Variants in SPAG16 observed in about 807,000 individuals in gnomAD.
SPAG16 encodes sperm-associated antigen 16 protein.
Under a neutral mutation model 80.4 loss-of-function variants are expected in SPAG16, and 86 were observed. The observed-to-expected ratio is 1.07, with a 90% CI of 0.90 to 1.28. The LOEUF (loss-of-function observed/expected upper bound fraction) is 1.28. Among genes scored for constraint, SPAG16 ranks in the 50% most tolerant of loss-of-function variants. SPAG16 has a pLI of 0.00. For synonymous variants in SPAG16, 294 were observed against 265.9 expected (o/e 1.11, Z -1.03); for missense variants, 870 against 765.3 (o/e 1.14, Z -1.61).
chr2:213,945,733 T>G (rs868637359), intron 12 of SPAG16, among the ~76,000 whole-genome samples: 8 of 152,096 alleles, frequency 5.3e-5, no homozygotes, highest in Non-Finnish European at 2.9e-5. Flanking sequence ...CCATCACAGA[T>G]AGTCATTTGC....
intron 15 of SPAG16, among the ~76,000 whole-genome samples, chr2:214,265,166 T>A (rs570278142): frequency 6.6e-6 from 1 of 152,272 alleles, no homozygotes; most frequent in African/African-American, 2.4e-5. Context: ...TTAAGTTTTG[T>A]TAGAAATTGC....
At chr2:213,431,453 A>G (rs1474498852) in intron 9 of SPAG16, among the ~76,000 whole-genome samples, 1 of 152,024 alleles carries the variant, frequency 6.6e-6, no homozygotes, top group African/African-American at 2.4e-5. Context: ...AAGCAGGAGT[A>G]GCTATACTTA....
chr2:213,914,639 C>G (rs1278396909), intron 11 of SPAG16, among the ~76,000 whole-genome samples: 2 of 152,098 alleles, frequency 1.3e-5, no homozygotes, highest in Non-Finnish European at 2.9e-5. Flanking sequence ...CCATTCAGTT[C>G]TATTTTAAAA....
chr2:213,956,955 C>T (rs1209378573), intron 12 of SPAG16, among the ~76,000 whole-genome samples: 1 of 152,014 alleles, frequency 6.6e-6, no homozygotes, highest in East Asian at 1.9e-4. Context: ...CAGTTTTTCT[C>T]TGTTATTAAT....
chr2:213,949,196 G>T (rs1285007456), intron 12 of SPAG16, among the ~76,000 whole-genome samples: 8 of 6,004 alleles, frequency 1.3e-3, no homozygotes, highest in Non-Finnish European at 4.7e-3. Context: ...TTTTTTTTGA[G>T]GTAGAGTCTC....
At chr2:213,477,912 T>C (rs146752729) in intron 9 of SPAG16, among the ~76,000 whole-genome samples, 227 of 152,266 alleles carry the variant, frequency 1.5e-3, no homozygotes, top group African/African-American at 5.3e-3. Flanking sequence ...CATCTTGAAT[T>C]GTAATCCCCA....
intron 15 of SPAG16, among the ~76,000 whole-genome samples, chr2:214,366,324 C>T (rs558125896): frequency 1.3e-5 from 2 of 152,250 alleles, no homozygotes; most frequent in African/African-American, 4.8e-5. Flanking sequence ...CTGTGCATGA[C>T]TGATACTGTG....
At chr2:213,804,357 G>C (rs2125647094) in intron 10 of SPAG16, among the ~76,000 whole-genome samples, 1 of 152,270 alleles carries the variant, frequency 6.6e-6, no homozygotes, top group South Asian at 2.1e-4. Flanking sequence ...CTAAGGATGG[G>C]CAAGGGGTAA....
At chr2:213,451,230 AAAC>A (rs1338249009) in intron 9 of SPAG16, among the ~76,000 whole-genome samples, 2 of 152,252 alleles carry the variant, frequency 1.3e-5, no homozygotes, top group African/African-American at 2.4e-5. Context: ...CAAAAACAAA[AAAC>A]AACATTTTTT....
At chr2:213,786,653 G>A (rs1242940218) in intron 10 of SPAG16, among the ~76,000 whole-genome samples, 1 of 152,084 alleles carries the variant, frequency 6.6e-6, no homozygotes, top group African/African-American at 2.4e-5. Flanking sequence ...TGCAAACTGT[G>A]TATTCATAAA....
chr2:213,818,796 G>T (rs1234875346), intron 10 of SPAG16, among the ~76,000 whole-genome samples: 1 of 152,120 alleles, frequency 6.6e-6, no homozygotes, highest in Non-Finnish European at 1.5e-5. Flanking sequence ...GTTCTCATGA[G>T]ATCTGATGGT....
At chr2:213,656,744 G>T (rs766890958) in intron 10 of SPAG16, among the ~76,000 whole-genome samples, 14 of 152,150 alleles carry the variant, frequency 9.2e-5, no homozygotes, top group Non-Finnish European at 2.1e-4. Context: ...TTTCTAGTAA[G>T]AAAAGTATTC....
chr2:214,149,227 G>T lies in SPAG16; in HGVS notation c.1681G>T (p.Gly561Cys), dbSNP rs1335555381. The change falls in exon 15 of 16, where the codon GGT (glycine) becomes TGT (cysteine). Residue 561 changes from glycine (G) to cysteine (C), a missense_variant. By Grantham distance (159) the Gly-to-Cys change is radical. Transcript: ENST00000331683. Reference protein sequence around the residue: ...KLLPIVSIDIGPSPGNEVNFD... With the variant: ...KLLPIVSIDICPSPGNEVNFD... ...GTTACCAATTGTGTCCATCGATATA[G>T]GTCCAAGTCCTGGCAATGAGGTGAA... The T allele has an allele frequency of 6.3e-7, 1 of 1,596,794 alleles. No individual in the cohort carries two copies. The highest frequency in any genetic ancestry group is 8.5e-7 in the Non-Finnish European group (1 of 1,171,334).
intron 9 of SPAG16, among the ~76,000 whole-genome samples, chr2:213,402,720 T>G (rs915059484): frequency 4.6e-5 from 7 of 152,206 alleles, no homozygotes. Context: ...AATGATGGTT[T>G]CCAGTTTCAT....
intron 10 of SPAG16, among the ~76,000 whole-genome samples, chr2:213,503,743 A>G (rs2074849464): frequency 6.6e-6 from 1 of 152,212 alleles, no homozygotes; most frequent in African/African-American, 2.4e-5. Flanking sequence ...TTGGTAAATG[A>G]AAGTGAAATG....
intron 12 of SPAG16, among the ~76,000 whole-genome samples, chr2:213,930,778 G>A (rs2078713767): frequency 1.3e-5 from 2 of 152,106 alleles, no homozygotes; most frequent in South Asian, 2.1e-4. Flanking sequence ...ATTACCTTCT[G>A]TTAGGTTTGC....
chr2:213,777,648 C>A lies in SPAG16; in HGVS notation c.1071-84837C>A, dbSNP rs545416824. On this transcript the variant is annotated intron_variant, in intron 10 of 15. Coordinates refer to ENST00000331683, the MANE Select transcript of SPAG16 (RefSeq NM_024532.5). The stretch of plus-strand genomic sequence containing the variant: ...GGTCTCGATCTCCTGACCTTGTGAT[C>A]CGCCCGCCTCGGCCTCCCAAAGTGT... 7.9e-5 allele frequency among the ~76,000 whole-genome samples: 12 copies of A among 152,172 alleles called. No individual in the cohort carries two copies. In the South Asian group the frequency reaches 2.5e-3, roughly 32 times the overall value.
At chr2:213,352,291 C>T (rs148920870) in intron 7 of SPAG16, among the ~76,000 whole-genome samples, 7 of 152,010 alleles carry the variant, frequency 4.6e-5, no homozygotes, top group Non-Finnish European at 7.4e-5. Context: ...AATTTTATGG[C>T]ATTATAATCA....
At chr2:214,286,926 G>T (rs537722015) in intron 15 of SPAG16, among the ~76,000 whole-genome samples, 2 of 152,212 alleles carry the variant, frequency 1.3e-5, no homozygotes, top group South Asian at 2.1e-4. Flanking sequence ...AATTTGAATT[G>T]TAACTGCCAT....
Sources: allele counts gnomAD v4.1 joint callset (sites outside exome capture counted in the v4.1 genomes callset), GRCh38; gene constraint gnomAD v4.1.1; transcripts MANE v1.5; gene names NCBI Gene and HGNC (gene_info 2026-07-23, HGNC 2026-07-21).